The following ATRX variants were observed in gnomAD, a reference collection of about 807,000 sequenced individuals.
The protein encoded by ATRX is ATRX chromatin remodeler.
Under a neutral mutation model 172.6 loss-of-function variants are expected in ATRX, and 12 were observed. The observed-to-expected ratio is 0.07, with a 90% confidence interval of 0.04 to 0.11. ATRX has a LOEUF of 0.11. Among genes scored for constraint, ATRX ranks in the 10% least tolerant of loss-of-function variants. The pLI, the probability that ATRX is intolerant of heterozygous loss-of-function variation, is 1.00. For synonymous variants in ATRX, 674 were observed against 594.7 expected (o/e 1.13, Z -1.94); for missense variants, 1,368 against 1,767.4 (o/e 0.77, Z 4.05).
chrX:77,626,601 T>C (rs2067862502), intron 19 of ATRX, among the ~76,000 whole-genome samples: 1 of 111,466 alleles, frequency 9.0e-6, no homozygotes, highest in South Asian at 3.8e-4. Flanking sequence ...TCTAATGGAT[T>C]TTCTGAGTTC....
chrX:77,522,037 T>G (rs1356992177), intron 32 of ATRX: 1 of 386,073 alleles, frequency 2.6e-6, no homozygotes, highest in Non-Finnish European at 4.5e-6. Flanking sequence ...TTAAAATAAT[T>G]CAAACTACAT....
intron 2 of ATRX, among the ~76,000 whole-genome samples, chrX:77,709,920 T>A (rs1032463287): frequency 1.8e-5 from 2 of 112,318 alleles, no homozygotes; most frequent in Non-Finnish European, 3.8e-5. Context: ...AAAACGTATA[T>A]ATAAATATTC....
chrX:77,541,331 C>T (rs1362524023), intron 30 of ATRX, among the ~76,000 whole-genome samples: 3 of 111,540 alleles, frequency 2.7e-5, no homozygotes, highest in Non-Finnish European at 3.8e-5. Flanking sequence ...AATTAATAGC[C>T]CACAAACAAA....
chrX:77,535,047 T>C (rs1229067991), intron 30 of ATRX, among the ~76,000 whole-genome samples: 1 of 112,086 alleles, frequency 8.9e-6, no homozygotes, highest in Non-Finnish European at 1.9e-5. Flanking sequence ...CTTTTATTGC[T>C]TAAATAAATC....
At chrX:77,628,632 A>C (rs938351997) in intron 19 of ATRX, among the ~76,000 whole-genome samples, 1 of 111,963 alleles carries the variant, frequency 8.9e-6, no homozygotes. Context: ...CTTTTTTAAG[A>C]AACTGGGTCT....
intron 1 of ATRX, among the ~76,000 whole-genome samples, chrX:77,725,889 T>C (rs1197494063): frequency 1.8e-5 from 2 of 112,462 alleles, no homozygotes; most frequent in Admixed American, 1.9e-4. Flanking sequence ...TCATCACTGG[T>C]CATCAGACAA....
chrX:77,592,539 G>A (rs45508794), intron 26 of ATRX, among the ~76,000 whole-genome samples: 2,575 of 111,253 alleles, frequency 0.023, 73 homozygotes, highest in African/African-American at 0.081. Context: ...GAGGCCGGGC[G>A]TGGTGTCTCA....
intron 1 of ATRX, among the ~76,000 whole-genome samples, chrX:77,776,758 C>T (rs1002360678): frequency 3.6e-5 from 4 of 111,905 alleles, no homozygotes; most frequent in Non-Finnish European, 7.5e-5. Flanking sequence ...TATCTGAAAT[C>T]GGATTGAAAA....
intron 27 of ATRX, among the ~76,000 whole-genome samples, chrX:77,581,562 A>T (rs2065824678): frequency 8.9e-6 from 1 of 111,938 alleles, no homozygotes; most frequent in Non-Finnish European, 1.9e-5. Flanking sequence ...CCACATATAC[A>T]AAGCAAATAT....
chrX:77,682,591 A>G lies in ATRX; in HGVS notation c.2665T>C (p.Ser889Pro). 8.3e-7 allele frequency: 1 copy of G among 1,210,789 alleles called. No individual in the cohort carries two copies. Among genetic ancestry groups the G allele is most frequent in the Non-Finnish European group, 1.1e-6 (1 of 895,220 alleles). The change falls in exon 9 of 35, where the codon TCT becomes CCT. Residue 889 changes from serine (S) to proline (P), a missense_variant. Ser to Pro is a moderately conservative substitution (Grantham distance 74). Around this residue, in one of 17 missense-constraint regions of ATRX, gnomAD observed 843 missense variants for 643.1 expected, o/e 1.31. Transcript: ENST00000373344. ...TTATCAACTGTGCCTTCTGCTGAAG[A>G]GAAAGTCTCTCTCTCTTGTTTTCTT... ...AERKQERETFSSAEGTVDKDT... is the reference protein window; with the variant it reads ...AERKQERETFPSAEGTVDKDT...
At chrX:77,705,654 A>T (rs1338329900) in intron 2 of ATRX, among the ~76,000 whole-genome samples, 2 of 112,630 alleles carry the variant, frequency 1.8e-5, no homozygotes, top group Non-Finnish European at 3.7e-5. Context: ...TGGAAGGATC[A>T]CTTGAGGACA....
chrX:77,691,395 AAC>A (rs1256531847), intron 6 of ATRX: 9 of 111,919 alleles, frequency 8.0e-5, no homozygotes, highest in African/African-American at 2.6e-4. Context: ...TTAAAATTGT[AAC>A]ACAGGGTATA....
chrX:77,687,312 C>T (rs2071634914), intron 7 of ATRX, among the ~76,000 whole-genome samples: 1 of 111,017 alleles, frequency 9.0e-6, no homozygotes, highest in Non-Finnish European at 1.9e-5. Flanking sequence ...ACTATGTATA[C>T]AGCTAAACAA....
intron 1 of ATRX, among the ~76,000 whole-genome samples, chrX:77,737,798 C>T (rs868907672): frequency 9.0e-6 from 1 of 110,543 alleles, no homozygotes; most frequent in Non-Finnish European, 1.9e-5. Context: ...AAATGTGATA[C>T]GAGCCCATAT....
chrX:77,648,502 A>G (rs1197157903), intron 15 of ATRX, among the ~76,000 whole-genome samples: 1 of 111,474 alleles, frequency 9.0e-6, no homozygotes, highest in Admixed American at 9.6e-5. Context: ...CACCTTAAGT[A>G]GCTAGAAAAA....
chrX:77,700,053 G>A (rs1275445450), intron 2 of ATRX, among the ~76,000 whole-genome samples: 1 of 111,584 alleles, frequency 9.0e-6, no homozygotes, highest in African/African-American at 3.3e-5. Flanking sequence ...TCAGAAGACA[G>A]GCTAGAGACT....
chrX:77,536,063 AG>A (rs1312616378), intron 30 of ATRX, among the ~76,000 whole-genome samples: 2 of 109,392 alleles, frequency 1.8e-5, no homozygotes, highest in Admixed American at 9.9e-5. Flanking sequence ...TTTAAGAGAC[AG>A]GGGCTCGCTA....
intron 15 of ATRX, among the ~76,000 whole-genome samples, chrX:77,640,255 C>T (rs193286762): frequency 9.0e-6 from 1 of 110,988 alleles, no homozygotes; most frequent in Non-Finnish European, 1.9e-5. Context: ...GATCCACATC[C>T]CAAACCTGAG....
chrX:77,528,772 C>T (rs1046788267), intron 30 of ATRX, among the ~76,000 whole-genome samples: 1 of 112,104 alleles, frequency 8.9e-6, no homozygotes, highest in East Asian at 2.8e-4. Context: ...ATGACTGCAA[C>T]ACCTCTCCAG....
Sources: gnomAD v4.1 joint callset for allele counts (sites outside exome capture counted in the v4.1 genomes callset) on GRCh38, gnomAD v4.1.1 for gene constraint, gnomAD v4.1.1 regional missense constraint, MANE v1.5 for transcripts, NCBI Gene and HGNC (gene_info 2026-07-23, HGNC 2026-07-21) for gene names.